ZNF804B: variants seen among roughly 807,000 people sequenced by gnomAD.
The protein encoded by ZNF804B is zinc finger 804B.
A neutral mutation model predicts 101.4 loss-of-function variants in ZNF804B; 80 were observed. The observed-to-expected ratio is 0.79, with a 90% confidence interval of 0.66 to 0.95. ZNF804B has a LOEUF of 0.95. Ranked by LOEUF, ZNF804B falls within the 40% of genes least tolerant of loss-of-function variation. The pLI is 0.00. For missense variants in ZNF804B, 1,673 were observed against 1,561.9 expected (o/e 1.07, Z -1.20); for synonymous variants, 622 against 558.8 (o/e 1.11, Z -1.59).
At chr7:88,903,432 T>A (rs1355928659) in intron 1 of ZNF804B, among the ~76,000 whole-genome samples, 1 of 152,218 alleles carries the variant, frequency 6.6e-6, no homozygotes, top group East Asian at 1.9e-4. Flanking sequence ...CATGTGTCTT[T>A]TTGGTGTAAC....
At chr7:89,092,082 T>G (rs2116326704) in intron 1 of ZNF804B, among the ~76,000 whole-genome samples, 1 of 152,238 alleles carries the variant, frequency 6.6e-6, no homozygotes, top group Middle Eastern at 3.4e-3. Context: ...TTCTGGAGGC[T>G]GAGAAATCCA....
chr7:89,233,403 A>G (rs1789228953), intron 2 of ZNF804B, among the ~76,000 whole-genome samples: 1 of 149,312 alleles, frequency 6.7e-6, no homozygotes. Context: ...AAAAATAAAT[A>G]TATAATGTAT....
chr7:88,868,202 A>G (rs2115872711), intron 1 of ZNF804B, among the ~76,000 whole-genome samples: 1 of 152,148 alleles, frequency 6.6e-6, no homozygotes, highest in East Asian at 1.9e-4. Flanking sequence ...ACTTCCCTTT[A>G]CTGATAGCCT....
chr7:88,872,123 C>T (rs1391002170), intron 1 of ZNF804B, among the ~76,000 whole-genome samples: 2 of 152,158 alleles, frequency 1.3e-5, no homozygotes, highest in Non-Finnish European at 2.9e-5. Context: ...TCTTAAGTGT[C>T]TCAGGGGAAC....
intron 2 of ZNF804B, among the ~76,000 whole-genome samples, chr7:89,259,014 T>C (rs896877557): frequency 2.0e-5 from 3 of 152,178 alleles, no homozygotes; most frequent in African/African-American, 7.2e-5. Flanking sequence ...AAAAAATGTT[T>C]CTACAGTTAC....
chr7:89,210,277 CAG>C (rs1788782430), intron 1 of ZNF804B, among the ~76,000 whole-genome samples: 1 of 151,784 alleles, frequency 6.6e-6, no homozygotes, highest in African/African-American at 2.4e-5. Flanking sequence ...GTAAAAAAAA[CAG>C]AGATTAAAAA....
chr7:88,913,264 C>A (rs1407408372), intron 1 of ZNF804B, among the ~76,000 whole-genome samples: 3 of 152,108 alleles, frequency 2.0e-5, no homozygotes, highest in Non-Finnish European at 4.4e-5. Context: ...TATTATATAT[C>A]TTTTTATGGA....
At chr7:88,944,873 A>C (rs893693752) in intron 1 of ZNF804B, among the ~76,000 whole-genome samples, 1 of 151,920 alleles carries the variant, frequency 6.6e-6, no homozygotes, top group Non-Finnish European at 1.5e-5. Flanking sequence ...AAAGTATTAA[A>C]TATATTGTAT....
At chr7:89,277,023 T>G (rs1789991260) in intron 2 of ZNF804B, among the ~76,000 whole-genome samples, 2 of 151,294 alleles carry the variant, frequency 1.3e-5, no homozygotes, top group Admixed American at 6.6e-5. Context: ...CACACAGAAA[T>G]GTACACTCAA....
At chr7:88,797,558 G>T (rs2285445) in intron 1 of ZNF804B, among the ~76,000 whole-genome samples, 39,802 of 152,012 alleles carry the variant, frequency 0.26, 5,764 homozygotes, top group East Asian at 0.4. Flanking sequence ...CATGGGGACA[G>T]GCAATGGTGT....
chr7:89,013,466 C>T (rs1171100523), intron 1 of ZNF804B, among the ~76,000 whole-genome samples: 2 of 152,144 alleles, frequency 1.3e-5, no homozygotes, highest in South Asian at 2.1e-4. Context: ...ACCTTCCTTT[C>T]TGCAATTAAG....
At chr7:89,104,617 A>G (rs527496219) in intron 1 of ZNF804B, among the ~76,000 whole-genome samples, 1 of 152,082 alleles carries the variant, frequency 6.6e-6, no homozygotes, top group South Asian at 2.1e-4. Context: ...GACAAGTCCC[A>G]TGACTCTCTC....
intron 1 of ZNF804B, among the ~76,000 whole-genome samples, chr7:89,068,804 T>C (rs936679115): frequency 6.6e-6 from 1 of 152,238 alleles, no homozygotes; most frequent in African/African-American, 2.4e-5. Flanking sequence ...AGTGTTTTGT[T>C]AGACTAGTCT....
chr7:88,935,770 G>A (rs1792958688), intron 1 of ZNF804B, among the ~76,000 whole-genome samples: 3 of 151,818 alleles, frequency 2.0e-5, no homozygotes, highest in South Asian at 4.2e-4. Flanking sequence ...AAGTTTTCAG[G>A]AAAATTACTA....
At chr7:89,321,317 A>G (rs1400129524) in intron 2 of ZNF804B, among the ~76,000 whole-genome samples, 1 of 152,030 alleles carries the variant, frequency 6.6e-6, no homozygotes, top group Non-Finnish European at 1.5e-5. Flanking sequence ...CGTCTCTACT[A>G]AAAATACAAA....
intron 2 of ZNF804B, among the ~76,000 whole-genome samples, chr7:89,241,696 T>C (rs1789373818): frequency 6.6e-6 from 1 of 152,058 alleles, no homozygotes; most frequent in Admixed American, 6.6e-5. Context: ...ATGCCAGTGG[T>C]CACCAATGTG....
intron 1 of ZNF804B, among the ~76,000 whole-genome samples, chr7:88,975,188 A>T (rs934108138): frequency 6.6e-6 from 1 of 151,430 alleles, no homozygotes; most frequent in Admixed American, 6.6e-5. Context: ...GTGGATGGAC[A>T]CTTAGATTGC....
chr7:88,875,996 C>A (rs1666653610), intron 1 of ZNF804B, among the ~76,000 whole-genome samples: 1 of 152,256 alleles, frequency 6.6e-6, no homozygotes, highest in East Asian at 1.9e-4. Context: ...GGATGCAAGG[C>A]TGGTTCAATA....
chr7:88,807,632 G>T (rs1387516296), intron 1 of ZNF804B, among the ~76,000 whole-genome samples: 1 of 152,056 alleles, frequency 6.6e-6, no homozygotes, highest in Admixed American at 6.6e-5. Context: ...GGGTGCCAGT[G>T]TCTTTTTATT....
Sources: gnomAD v4.1 joint callset for allele counts (sites outside exome capture counted in the v4.1 genomes callset) on GRCh38, gnomAD v4.1.1 for gene constraint, MANE v1.5 for transcripts, NCBI Gene and HGNC (gene_info 2026-07-23, HGNC 2026-07-21) for gene names.